Variants in SERPINF2 observed in about 807,000 individuals in gnomAD.
SERPINF2 encodes the protein serpin family F member 2, also known as alpha-2-antiplasmin.
A neutral mutation model predicts 45.0 loss-of-function variants in SERPINF2; 15 were observed. The ratio of observed to expected loss-of-function variants is 0.33; its 90% confidence interval spans 0.22 to 0.51. SERPINF2 has a LOEUF of 0.51. Ranked by LOEUF, SERPINF2 falls within the 20% of genes least tolerant of loss-of-function variation. The pLI, the probability that SERPINF2 is intolerant of heterozygous loss-of-function variation, is 0.97. For synonymous variants in SERPINF2, 283 were observed against 277.9 expected (o/e 1.02, Z -0.18); for missense variants, 518 against 637.4 (o/e 0.81, Z 2.02).
chr17:1,754,695 G>GGC lies in SERPINF2; in HGVS notation c.*161_*162insGC. On this transcript the variant is annotated 3_prime_UTR_variant, in exon 10 of 10. Coordinates refer to ENST00000453066, the MANE Select transcript of SERPINF2 (RefSeq NM_000934.4). ...TTGGGGAGTTTAGGGTGGGGGGGGG[G>GGC]CGCGGCTGGGAGGAGGGCAGGCATC... 1 of 316,614 alleles carries GGC rather than the reference G, an allele frequency of 3.2e-6. No individual in the cohort carries two copies. The highest frequency in any genetic ancestry group is 1.2e-3 in the Middle Eastern group (1 of 840). The allele number at this position is 316,614 out of a possible 1,614,324, so 19.6% of individuals were successfully genotyped here. A position where few individuals can be genotyped will look rare whatever the true frequency, so the allele number is the denominator to read the frequency against.
chr17:1,743,024 C>T (rs1212428957), intron 1 of SERPINF2, 116 bp downstream of exon 1: 3 of 985,230 alleles, frequency 3.0e-6, no homozygotes, highest in Non-Finnish European at 3.6e-6. Context: ...CCAGCCTCTT[C>T]TGGGACTTGA....
intron 8 of SERPINF2, among the ~76,000 whole-genome samples, chr17:1,749,395 C>T (rs751136440): frequency 3.3e-5 from 5 of 151,638 alleles, no homozygotes; most frequent in East Asian, 1.9e-4. Flanking sequence ...GTCAGGAGTT[C>T]GAGACCAGCC....
intron 9 of SERPINF2, 54 bp from the exon 10 acceptor site, chr17:1,754,068 A>G: frequency 6.3e-7 from 1 of 1,594,638 alleles, no homozygotes; most frequent in South Asian, 1.1e-5. Context: ...AAGCAGCTCC[A>G]GGAGCCTGTG....
intron 1 of SERPINF2, among the ~76,000 whole-genome samples, chr17:1,743,715 C>CAAA (rs61163841): frequency 6.8e-4 from 23 of 33,658 alleles, no homozygotes; most frequent in African/African-American, 1.2e-3. Flanking sequence ...AACTCCATCT[C>CAAA]AAAAAAAAAA....
chr17:1,749,583 T>C (rs11655825), intron 8 of SERPINF2, among the ~76,000 whole-genome samples: 26,922 of 151,880 alleles, frequency 0.18, 2,627 homozygotes, highest in East Asian at 0.24. Context: ...GGGAGACAGA[T>C]TGAGACTCCG....
intron 1 of SERPINF2, chr17:1,743,194 A>T: frequency 2.7e-6 from 2 of 743,482 alleles, no homozygotes; most frequent in Non-Finnish European, 3.3e-6. Context: ...GGTAGCTGAG[A>T]CCTGCTCTGA....
In SERPINF2 at chr17:1,745,328, C is replaced by G. The variant is rs201339551; in HGVS notation, c.103-5C>G. The G allele has an allele frequency of 1.2e-6, 2 of 1,613,238 alleles. No individual in the cohort carries two copies. The highest frequency in any genetic ancestry group is 1.7e-6 in the Non-Finnish European group (2 of 1,179,942). ...CGGTCTCCATCTGCTTGCTCCTTTC[C>G]GCAGCTAACTAGCGGGCCGAACCAG... On this transcript the variant is annotated splice_region_variant and splice_polypyrimidine_tract_variant and intron_variant, in intron 3 of 9. Transcript: ENST00000453066. This position sits in a 1 kb window ranked among gnomAD's most constrained non-coding sequence, Gnocchi z 6.2.
intron 1 of SERPINF2, among the ~76,000 whole-genome samples, chr17:1,744,060 T>G (rs1296335966): frequency 6.6e-6 from 1 of 151,422 alleles, no homozygotes; most frequent in South Asian, 2.1e-4. Flanking sequence ...CACGCCTGGC[T>G]AATTTTGTAT....
rs147897675 is a variant in SERPINF2, at chr17:1,747,089, T to A, written c.438T>A (p.His146Gln). The A allele has an allele frequency of 6.0e-4, 966 of 1,610,522 alleles. No individual in the cohort carries two copies. Among genetic ancestry groups the A allele is most frequent in the Non-Finnish European group, 7.7e-4 (905 of 1,179,894 alleles). ...LHAGSGPCLP[H>Q]LLSRLCQDLG... ...CAGGCTCAGGGCCCTGCCTCCCCCA[T>A]CTGCTGAGCCGCCTCTGCCAGGACC... is the stretch of plus-strand genomic sequence containing the variant. The change falls in exon 6 of 10, where the codon CAT becomes CAA. Residue 146 changes from histidine to glutamine, a missense_variant. By Grantham distance (24) the His-to-Gln change is conservative. Coordinates refer to ENST00000453066, the MANE Select transcript of SERPINF2 (RefSeq NM_000934.4).
In SERPINF2 at chr17:1,754,687, G is replaced by A. The variant is rs1298324695; in HGVS notation, c.*153G>A. The A allele has an allele frequency of 1.0e-5, 3 of 287,688 alleles. No homozygotes were observed. The highest frequency in any genetic ancestry group is 8.6e-5 in the East Asian group (1 of 11,690). 17.8% of individuals were successfully genotyped at this position (287,688 alleles called of 1,614,324 possible). A position where few individuals can be genotyped will look rare whatever the true frequency, so the allele number is the denominator to read the frequency against. ...AACACCTCTTGGGGAGTTTAGGGTGGGGGGGGGGCGCGGCTGGGAGGAGGG... is the reference window on the plus strand; with the variant it reads ...AACACCTCTTGGGGAGTTTAGGGTGAGGGGGGGGCGCGGCTGGGAGGAGGG... On this transcript the variant is annotated 3_prime_UTR_variant, in exon 10 of 10. Transcript: ENST00000453066.
chr17:1,751,277 C>T (rs1445287324), intron 8 of SERPINF2, among the ~76,000 whole-genome samples: 2 of 151,536 alleles, frequency 1.3e-5, no homozygotes, highest in Admixed American at 1.3e-4. Flanking sequence ...GGTGAAACCC[C>T]GTCTCTACTA....
At chr17:1,749,886 G>T (rs926390713) in intron 8 of SERPINF2, among the ~76,000 whole-genome samples, 1 of 152,200 alleles carries the variant, frequency 6.6e-6, no homozygotes, top group Middle Eastern at 3.2e-3. Flanking sequence ...GAGATTCCAC[G>T]GGGCGCTCAC....
chr17:1,747,936 G>T (rs981194842), intron 7 of SERPINF2, among the ~76,000 whole-genome samples: 3 of 152,072 alleles, frequency 2.0e-5, no homozygotes, highest in Admixed American at 6.5e-5. Flanking sequence ...TCTGGGTGTG[G>T]TGGGGATGGG....
chr17:1,747,303 G>A lies in SERPINF2; in HGVS notation c.512-6G>A, dbSNP rs747710407. ...CCTGGGAACAGCTTGTGCTGCCTCCGTGCAGGATTTCCCATCAAAGAAGAT... is the reference window on the plus strand; with the variant it reads ...CCTGGGAACAGCTTGTGCTGCCTCCATGCAGGATTTCCCATCAAAGAAGAT... On this transcript the variant is annotated splice_polypyrimidine_tract_variant and splice_region_variant and intron_variant, in intron 6 of 9. Transcript: ENST00000453066. The A allele has an allele frequency of 6.3e-5, 102 of 1,613,570 alleles. No homozygotes were observed. The South Asian group carries it at 6.4e-4, about 10-fold the overall frequency.
At chr17:1,752,528 AC>A in intron 8 of SERPINF2, 57 bp from the exon 9 acceptor site, 2 of 1,535,000 alleles carry the variant, frequency 1.3e-6, no homozygotes, top group East Asian at 2.2e-5. Flanking sequence ...TGCTGGCCCC[AC>A]CCCCACTTAG....
At chr17:1,746,985 G>T (rs200960312) in intron 5 of SERPINF2, 34 bp from the exon 6 acceptor site, 2 of 1,596,792 alleles carry the variant, frequency 1.3e-6, no homozygotes, top group Non-Finnish European at 8.5e-7. Flanking sequence ...GAAAGGACCC[G>T]CAGCCGGGCC....
At chr17:1,750,442 C>T (rs561211994) in intron 8 of SERPINF2, among the ~76,000 whole-genome samples, 6 of 152,114 alleles carry the variant, frequency 3.9e-5, no homozygotes, top group Non-Finnish European at 8.8e-5. Flanking sequence ...CCACCGTGCC[C>T]GGCCAATTTT....
At chr17:1,743,640 A>C (rs1213684724) in intron 1 of SERPINF2, among the ~76,000 whole-genome samples, 1 of 144,028 alleles carries the variant, frequency 6.9e-6, no homozygotes, top group African/African-American at 2.6e-5. Context: ...GCTTTAACCC[A>C]GGAGGTGGAG....
At position 1,745,632 on chromosome 17, in the gene SERPINF2, G is replaced by T; in HGVS notation, c.166-76G>T. 1.4e-6 allele frequency: 2 copies of T among 1,437,044 alleles called. No individual in the cohort carries two copies. Among genetic ancestry groups the T allele is most frequent in the Non-Finnish European group, 1.9e-6 (2 of 1,030,332 alleles). The allele number at this position is 1,437,044 out of a possible 1,614,324, so 89.0% of individuals were successfully genotyped here. On this transcript the variant is annotated intron_variant, in intron 4 of 9. Coordinates refer to ENST00000453066, the MANE Select transcript of SERPINF2 (RefSeq NM_000934.4). This position sits in a 1 kb window ranked among gnomAD's most constrained non-coding sequence, Gnocchi z 6.2. Reference sequence around the variant, plus strand: ...AAGGCCCTGCTGTCCTCAGGCACAGGGGCTGTGACAAGGCCTTCAACACAG... The same window carrying T: ...AAGGCCCTGCTGTCCTCAGGCACAGTGGCTGTGACAAGGCCTTCAACACAG...
Sources: gnomAD v4.1 joint callset for allele counts (sites outside exome capture counted in the v4.1 genomes callset) on GRCh38, gnomAD v4.1.1 for gene constraint, Gnocchi (gnomAD v3.1) non-coding constraint, MANE v1.5 for transcripts, NCBI Gene and HGNC (gene_info 2026-07-23, HGNC 2026-07-21) for gene names.